The following SS18L2 variants were observed in gnomAD, a reference collection of about 807,000 sequenced individuals.
SS18L2 encodes SS18 like 2.
A neutral mutation model predicts 10.3 loss-of-function variants in SS18L2; 8 were observed. That is an observed-to-expected ratio of 0.78 (90% confidence interval 0.46 to 1.41). SS18L2 has a LOEUF of 1.41. Ranked by LOEUF, SS18L2 falls within the 40% of genes most tolerant of loss-of-function variation. The pLI, the probability that SS18L2 is intolerant of heterozygous loss-of-function variation, is 0.00. For missense variants in SS18L2, 100 were observed against 96.2 expected (o/e 1.04, Z -0.17); for synonymous variants, 41 against 34.6 (o/e 1.19, Z -0.65).
At chr3:42,592,481 T>A (rs1244780900) in intron 2 of SS18L2, among the ~76,000 whole-genome samples, 4 of 152,248 alleles carry the variant, frequency 2.6e-5, no homozygotes, top group Non-Finnish European at 5.9e-5. Flanking sequence ...ATTACAGGCA[T>A]GAGCCACCAC....
At chr3:42,588,709 T>C (rs1271451739), upstream of SS18L2, among the ~76,000 whole-genome samples, 3 of 152,180 alleles carry the variant, frequency 2.0e-5, no homozygotes, top group Non-Finnish European at 4.4e-5. Context: ...GGGAGGATTG[T>C]TGTCTGGACC....
upstream of SS18L2, among the ~76,000 whole-genome samples, chr3:42,590,067 G>T (rs1163491627): frequency 1.3e-5 from 2 of 152,106 alleles, no homozygotes; most frequent in Non-Finnish European, 2.9e-5. Flanking sequence ...TCTGTAAAAT[G>T]GAGAAAATAC....
intron 2 of SS18L2, among the ~76,000 whole-genome samples, chr3:42,592,705 C>T (rs1704891160): frequency 6.6e-6 from 1 of 152,188 alleles, no homozygotes; most frequent in African/African-American, 2.4e-5. Flanking sequence ...AATACCTTCT[C>T]CTTTTTCTAT....
upstream of SS18L2, among the ~76,000 whole-genome samples, chr3:42,589,614 G>C (rs1352795587): frequency 6.6e-6 from 1 of 152,224 alleles, no homozygotes; most frequent in Non-Finnish European, 1.5e-5. Flanking sequence ...GGGGCATTAG[G>C]ATCAGCGGGA....
rs1472362340 is a variant in SS18L2 at position 42,596,017 on chromosome 3, G to A, written c.*1508G>A. ...TCTTTTTCTTCTTTTTTTTGGTTTT[G>A]TTTTGTTTTGTTTTTGTTTTTGTTT... On this transcript the variant is annotated 3_prime_UTR_variant, in exon 3 of 3. Transcript: ENST00000011691. Among the ~76,000 whole-genome samples, 1 of 151,368 alleles carries A rather than the reference G, an allele frequency of 6.6e-6. No homozygotes were observed. The highest frequency in any genetic ancestry group is 2.4e-5 in the African/African-American group (1 of 41,086).
At position 42,591,619 on chromosome 3, in the gene SS18L2, C is replaced by A; in HGVS notation, c.146+18C>A. 1 of 1,589,154 alleles carries A rather than the reference C, an allele frequency of 6.3e-7. No homozygotes were observed. The highest frequency in any genetic ancestry group is 8.6e-7 in the Non-Finnish European group (1 of 1,157,320). ...TGCGTGCAGTAAGTACCCCCACCCCCGCGCCCCTGACCTGTGGGTAGAGGG... is the reference window on the plus strand; with the variant it reads ...TGCGTGCAGTAAGTACCCCCACCCCAGCGCCCCTGACCTGTGGGTAGAGGG... On this transcript the variant is annotated intron_variant, in intron 2 of 2. Transcript: ENST00000011691.
At chr3:42,583,172 A>G (rs1282653534) in intron 1 of SS18L2, among the ~76,000 whole-genome samples, 1 of 152,202 alleles carries the variant, frequency 6.6e-6, no homozygotes, top group Non-Finnish European at 1.5e-5. Context: ...ATTTTATAAA[A>G]CTCACTTTGG....
At chr3:42,591,687 G>A in intron 2 of SS18L2, 86 bp downstream of exon 2, 1 of 967,998 alleles carries the variant, frequency 1.0e-6, no homozygotes, top group Non-Finnish European at 1.7e-6. Context: ...AAGAGTCTTG[G>A]GTGATTGATC....
chr3:42,590,353 C>T (rs746514809), upstream of SS18L2, among the ~76,000 whole-genome samples: 1 of 152,142 alleles, frequency 6.6e-6, no homozygotes, highest in Non-Finnish European at 1.5e-5. Context: ...GCAAACCGCT[C>T]CTGCAGATAG....
chr3:42,584,584 A>T (rs1704549485), intron 1 of SS18L2, among the ~76,000 whole-genome samples: 1 of 152,192 alleles, frequency 6.6e-6, no homozygotes, highest in African/African-American at 2.4e-5. Context: ...AGTCAGCATC[A>T]TATGGGCGGA....
At chr3:42,593,975 T>A (rs139412653) in intron 2 of SS18L2, among the ~76,000 whole-genome samples, 2 of 152,302 alleles carry the variant, frequency 1.3e-5, no homozygotes, top group East Asian at 3.9e-4. Context: ...GGTATAGCCA[T>A]AAGAGGTGAG....
chr3:42,591,856 C>G (rs566525334), intron 2 of SS18L2, among the ~76,000 whole-genome samples: 77 of 152,186 alleles, frequency 5.1e-4, no homozygotes, highest in Non-Finnish European at 1.0e-3. Context: ...TCACTCAAAG[C>G]TATGCCGGCT....
At chr3:42,591,108 G>T in intron 1 of SS18L2, 142 bp downstream of exon 1, 1 of 969,352 alleles carries the variant, frequency 1.0e-6, no homozygotes, top group Non-Finnish European at 1.6e-6. Flanking sequence ...GGGTGAGATG[G>T]GCACGAAATC....
intron 1 of SS18L2, 68 bp from the exon 2 acceptor site, chr3:42,591,457 G>A: frequency 8.3e-7 from 1 of 1,201,662 alleles, no homozygotes; most frequent in Non-Finnish European, 1.2e-6. Context: ...CCTCCCAAAG[G>A]GCCGGGGTTA....
chr3:42,591,118 C>G (rs1704819236), intron 1 of SS18L2, 152 bp downstream of exon 1: 3 of 877,630 alleles, frequency 3.4e-6, no homozygotes, highest in Non-Finnish European at 5.4e-6. Context: ...GGCACGAAAT[C>G]AGCACAGGCG....
intron 1 of SS18L2, 108 bp from the exon 2 acceptor site, chr3:42,591,417 A>G (rs1457802935): frequency 1.3e-6 from 1 of 793,586 alleles, no homozygotes; most frequent in African/African-American, 1.7e-5. Flanking sequence ...CTAGTCTCGA[A>G]CTCCTGACCT....
intron 1 of SS18L2, among the ~76,000 whole-genome samples, chr3:42,585,570 G>C (rs879570689): frequency 6.6e-6 from 1 of 152,042 alleles, no homozygotes; most frequent in African/African-American, 2.4e-5. Context: ...AAGCTCCATC[G>C]AGTCTTCATT....
At chr3:42,584,630 A>G (rs1199043187) in intron 1 of SS18L2, among the ~76,000 whole-genome samples, 1 of 152,232 alleles carries the variant, frequency 6.6e-6, no homozygotes. Context: ...GAGAAAAATT[A>G]CAAAATGAAA....
chr3:42,593,690 T>C (rs1306330759), intron 2 of SS18L2, among the ~76,000 whole-genome samples: 1 of 152,076 alleles, frequency 6.6e-6, no homozygotes, highest in African/African-American at 2.4e-5. Context: ...CTAGAATCTA[T>C]AAGGAAATGT....
Sources: allele counts gnomAD v4.1 joint callset (sites outside exome capture counted in the v4.1 genomes callset), GRCh38; gene constraint gnomAD v4.1.1; transcripts MANE v1.5; gene names NCBI Gene and HGNC (gene_info 2026-07-23, HGNC 2026-07-21).